Variants in CASR observed in about 807,000 individuals in gnomAD.
CASR encodes the protein extracellular calcium-sensing receptor.
In CASR, 23 loss-of-function variants were observed where a neutral mutation model predicts 69.1. That is an observed-to-expected ratio of 0.33 (90% CI 0.24 to 0.47). The LOEUF is 0.47. Ranked by LOEUF, CASR falls within the 20% of genes least tolerant of loss-of-function variation. CASR has a pLI of 1.00. For missense variants in CASR, 924 were observed against 1,356.1 expected, an observed-to-expected ratio of 0.68 and a Z score of 5.00; for synonymous variants, 541 against 544.7, an observed-to-expected ratio of 0.99 and a Z score of 0.10.
At chr3:122,224,402 T>C (rs1045783645) in intron 1 of CASR, among the ~76,000 whole-genome samples, 2 of 151,994 alleles carry the variant, frequency 1.3e-5, no homozygotes, top group Admixed American at 1.3e-4. Context: ...CCAATAACAT[T>C]TAAACTGAGA....
intron 1 of CASR, among the ~76,000 whole-genome samples, chr3:122,228,370 G>T (rs183030369): frequency 1.5e-3 from 221 of 152,248 alleles, no homozygotes; most frequent in Middle Eastern, 6.8e-3. Flanking sequence ...TCTTTAGGTA[G>T]TTTTATGACA....
rs121909258 is a variant in CASR at position 122,284,337 on chromosome 3, C to T, written c.2383C>T (p.Arg795Trp). Residue 795 changes from arginine to tryptophan, a missense_variant, in exon 7 of 7, where the codon CGG becomes TGG. Arg to Trp is a moderately radical substitution (Grantham distance 101). This residue lies in a region of CASR where 184 missense variants were observed against 278.8 expected (regional missense o/e 0.66). Coordinates refer to ENST00000639785, the MANE Select transcript of CASR (RefSeq NM_000388.4). ...AICFFFAFKS[R>W]KLPENFNEAK... ...CTGCTTCTTCTTTGCCTTCAAGTCC[C>T]GGAAGCTGCCGGAGAACTTCAATGA... The T allele has an allele frequency of 1.2e-6, 2 of 1,613,956 alleles. No homozygotes were observed. The highest frequency in any genetic ancestry group is 1.3e-5 in the African/African-American group (1 of 74,934).
intron 5 of CASR, among the ~76,000 whole-genome samples, chr3:122,279,120 G>A (rs776128812): frequency 1.3e-5 from 2 of 152,052 alleles, no homozygotes; most frequent in Non-Finnish European, 2.9e-5. Flanking sequence ...CCTCTATCTT[G>A]CCTCCTGGAA....
Position 122,254,019 on chromosome 3 carries a change from A to G in CASR, c.-171A>G. On this transcript the variant is annotated 5_prime_UTR_variant, in exon 2 of 7. Transcript: ENST00000639785. ...AGGACCACCCACATTACAAGTCTGG[A>G]TTGAGGAAGGCAGAAATGGAGATTC... 1 of 729,000 alleles carries G rather than the reference A, an allele frequency of 1.4e-6. No individual in the cohort carries two copies. Among genetic ancestry groups the G allele is most frequent in the Non-Finnish European group, 2.4e-6 (1 of 411,274 alleles). 45.2% of individuals were successfully genotyped at this position (729,000 alleles called of 1,614,324 possible).
chr3:122,259,629 T>A (rs2074597176), intron 3 of CASR, among the ~76,000 whole-genome samples: 1 of 10,378 alleles, frequency 9.6e-5, no homozygotes, highest in South Asian at 4.5e-3. Context: ...ACATTGGAAA[T>A]TTTTTTTTTT....
chr3:122,223,909 T>C (rs1167107893), intron 1 of CASR, among the ~76,000 whole-genome samples: 1 of 152,136 alleles, frequency 6.6e-6, no homozygotes, highest in Non-Finnish European at 1.5e-5. Flanking sequence ...AAATGCAATT[T>C]CCCACATAAA....
chr3:122,203,172 A>G (rs954718539), intron 1 of CASR, among the ~76,000 whole-genome samples: 1 of 152,184 alleles, frequency 6.6e-6, no homozygotes, highest in Non-Finnish European at 1.5e-5. Flanking sequence ...CAAGTTGTGC[A>G]TTTGCGACAC....
At chr3:122,186,174 A>G (rs1304464073) in intron 1 of CASR, among the ~76,000 whole-genome samples, 1 of 152,202 alleles carries the variant, frequency 6.6e-6, no homozygotes, top group Non-Finnish European at 1.5e-5. Flanking sequence ...TCCATTGTTT[A>G]AAATCACCTA....
In CASR at chr3:122,245,646, A is replaced by G. The variant is rs150297011; in HGVS notation, c.-242-8302A>G. ...ACTTAAAGTATAATAATAAAAAAAA[A>G]AGAGGCACAAGAACAGGATGTAATA... On this transcript the variant is annotated intron_variant, in intron 1 of 6. Coordinates refer to ENST00000639785, the MANE Select transcript of CASR (RefSeq NM_000388.4). Among the ~76,000 whole-genome samples, 467 of 152,296 alleles carry G rather than the reference A, an allele frequency of 3.1e-3. 2 individuals carry two copies. The highest frequency in any genetic ancestry group is 0.011 in the African/African-American group (445 of 41,574).
chr3:122,215,262 G>A (rs1389161772), intron 1 of CASR, among the ~76,000 whole-genome samples: 1 of 152,176 alleles, frequency 6.6e-6, no homozygotes. Flanking sequence ...ACGACCAAAT[G>A]AATGTGGTCC....
chr3:122,284,150 C>T lies in CASR; in HGVS notation c.2196C>T (p.Thr732=). The T allele has an allele frequency of 3.7e-6, 6 of 1,613,540 alleles. No individual in the cohort carries two copies. The highest frequency in any genetic ancestry group is 5.1e-6 in the Non-Finnish European group (6 of 1,179,528). The change falls in exon 7 of 7, where the codon ACC becomes ACT. Residue 732 remains threonine (T), a synonymous_variant. Coordinates refer to ENST00000639785, the MANE Select transcript of CASR (RefSeq NM_000388.4). ...AGTTCCTGCTGGTTTTCCTCTGCAC[C>T]TTCATGCAGATTGTCATCTGTGTGA... ...NLQFLLVFLC[T]FMQIVICVIW...
In CASR at chr3:122,284,592, G is replaced by A. The variant is rs763865303; in HGVS notation, c.2638G>A (p.Ala880Thr). ...GGTGCGTTGCAGCACCGCAGCTCAC[G>A]CTTTCAAGGTGGCTGCCCGGGCCAC... Reference protein sequence around the residue: ...EEVRCSTAAHAFKVAARATLR... With the variant: ...EEVRCSTAAHTFKVAARATLR... Residue 880 changes from alanine to threonine, a missense_variant, in exon 7 of 7, where the codon GCT (alanine) becomes ACT (threonine). Transcript: ENST00000639785. 4 of 1,614,040 alleles carry A rather than the reference G, an allele frequency of 2.5e-6. No homozygotes were observed. The highest frequency in any genetic ancestry group is 3.4e-6 in the Non-Finnish European group (4 of 1,180,024).
intron 1 of CASR, among the ~76,000 whole-genome samples, chr3:122,212,439 T>C (rs931035548): frequency 6.6e-6 from 1 of 152,140 alleles, no homozygotes; most frequent in Non-Finnish European, 1.5e-5. Flanking sequence ...TCAGGATAAA[T>C]AGCTAATGCA....
At chr3:122,218,130 G>C (rs2074134875) in intron 1 of CASR, among the ~76,000 whole-genome samples, 1 of 152,006 alleles carries the variant, frequency 6.6e-6, no homozygotes, top group African/African-American at 2.4e-5. Context: ...TGGATTGGAG[G>C]GGGGCCCAAG....
At chr3:122,226,085 T>TG (rs1050653145) in intron 1 of CASR, among the ~76,000 whole-genome samples, 3 of 151,576 alleles carry the variant, frequency 2.0e-5, no homozygotes, top group South Asian at 4.2e-4. Flanking sequence ...ACGGGGAAGA[T>TG]GGGGGGGTAG....
rs33940289 is a variant in CASR, at chr3:122,225,554, CAAAA to C, written c.-242-28378_-242-28375del. Among the ~76,000 whole-genome samples, 262 of 120,342 alleles carry C rather than the reference CAAAA, an allele frequency of 2.2e-3. 2 individuals are homozygous for C. The highest frequency in any genetic ancestry group is 7.0e-3 in the African/African-American group (228 of 32,590). The allele number at this position is 120,342 out of a possible 152,430, so 78.9% of individuals were successfully genotyped here. On this transcript the variant is annotated intron_variant, in intron 1 of 6. Coordinates refer to ENST00000639785, the MANE Select transcript of CASR (RefSeq NM_000388.4). ...TCAGAATGGCTATTACTAAAAAGTCCAAAAAAAAAAAAAAAAAAACAGATGTTGG... is the reference window on the plus strand; with the variant it reads ...TCAGAATGGCTATTACTAAAAAGTCCAAAAAAAAAAAAAAACAGATGTTGG...
intron 1 of CASR, among the ~76,000 whole-genome samples, chr3:122,249,439 G>A (rs929225090): frequency 1.3e-4 from 20 of 152,106 alleles, no homozygotes. Context: ...AGCACATAGA[G>A]AGCTCAATAA....
chr3:122,266,583 C>T (rs1301416977), intron 4 of CASR, among the ~76,000 whole-genome samples: 1 of 151,930 alleles, frequency 6.6e-6, no homozygotes. Flanking sequence ...TTCTCTTCCC[C>T]TTCGTTTATT....
intron 1 of CASR, among the ~76,000 whole-genome samples, chr3:122,224,407 C>A (rs1422029559): frequency 6.6e-6 from 1 of 152,128 alleles, no homozygotes; most frequent in Admixed American, 6.5e-5. Context: ...AACATTTAAA[C>A]TGAGAGCCAA....
Sources: gnomAD v4.1 joint callset for allele counts (sites outside exome capture counted in the v4.1 genomes callset) on GRCh38, gnomAD v4.1.1 for gene constraint, gnomAD v4.1.1 regional missense constraint, MANE v1.5 for transcripts, NCBI Gene and HGNC (gene_info 2026-07-23, HGNC 2026-07-21) for gene names.